The following TP63 variants were observed in gnomAD, a reference collection of about 807,000 sequenced individuals.
TP63 encodes the protein tumor protein 63.
A neutral mutation model predicts 82.8 loss-of-function variants in TP63; 17 were observed. That is an observed-to-expected ratio of 0.21 (90% CI 0.14 to 0.31). The LOEUF (loss-of-function observed/expected upper bound fraction) is 0.31, where lower values mean the gene tolerates loss of function less well. Ranked by LOEUF, TP63 falls within the 10% of genes least tolerant of loss-of-function variation. TP63 has a pLI of 1.00. For missense variants in TP63, 648 were observed against 895.3 expected (o/e 0.72, Z 3.52); for synonymous variants, 330 against 321.7 (o/e 1.03, Z -0.28).
intron 3 of TP63, among the ~76,000 whole-genome samples, chr3:189,761,010 G>A (rs537826181): frequency 5.3e-5 from 8 of 152,238 alleles, no homozygotes; most frequent in East Asian, 1.9e-4. Context: ...GGGATGCAGG[G>A]CACCAAGTCC....
intron 1 of TP63, among the ~76,000 whole-genome samples, chr3:189,723,479 A>G (rs1357544321): frequency 1.3e-5 from 2 of 152,264 alleles, no homozygotes; most frequent in African/African-American, 4.8e-5. Flanking sequence ...AATGATAGCT[A>G]TCGATTCTCT....
chr3:189,775,733 CAG>C (rs1430644113), intron 3 of TP63, among the ~76,000 whole-genome samples: 9 of 152,186 alleles, frequency 5.9e-5, no homozygotes, highest in Non-Finnish European at 1.5e-5. Context: ...CAGAGAGAAA[CAG>C]AGGTTACCTT....
chr3:189,773,409 T>A (rs561779379), intron 3 of TP63, among the ~76,000 whole-genome samples: 11 of 152,312 alleles, frequency 7.2e-5, no homozygotes, highest in African/African-American at 2.4e-4. Flanking sequence ...TGAAGTAAAG[T>A]CGTGTTTAAT....
At chr3:189,697,595 T>G (rs1920239) in intron 1 of TP63, among the ~76,000 whole-genome samples, 152,029 of 152,036 alleles carry the variant, frequency 1, 76,011 homozygotes, top group Non-Finnish European at 1. Flanking sequence ...TAAATAACCT[T>G]CCAGGATTTT....
intron 4 of TP63, among the ~76,000 whole-genome samples, chr3:189,832,982 C>T (rs1264443010): frequency 1.3e-5 from 2 of 152,170 alleles, no homozygotes; most frequent in African/African-American, 4.8e-5. Context: ...AATTTAAGCA[C>T]GTTTAATGAG....
At chr3:189,812,532 T>A (rs1051869302) in intron 4 of TP63, among the ~76,000 whole-genome samples, 2 of 152,192 alleles carry the variant, frequency 1.3e-5, no homozygotes, top group African/African-American at 4.8e-5. Context: ...AGAATGGTAG[T>A]GTGGAGATGG....
At chr3:189,797,946 A>G (rs1475432109) in intron 3 of TP63, among the ~76,000 whole-genome samples, 1 of 152,026 alleles carries the variant, frequency 6.6e-6, no homozygotes, top group East Asian at 1.9e-4. Context: ...TCCCCCATTC[A>G]GGATAACACT....
At chr3:189,795,624 A>C (rs775332263) in intron 3 of TP63, among the ~76,000 whole-genome samples, 2 of 152,040 alleles carry the variant, frequency 1.3e-5, no homozygotes, top group Non-Finnish European at 2.9e-5. Context: ...TTTAAAAAGA[A>C]AATGTGTTGG....
At chr3:189,810,811 G>A (rs576678824) in intron 4 of TP63, among the ~76,000 whole-genome samples, 15 of 143,142 alleles carry the variant, frequency 1.0e-4, no homozygotes, top group African/African-American at 3.6e-4. Context: ...AGCTGAGATC[G>A]CACCACTACA....
rs79805631 is a variant in TP63, at chr3:189,805,614, G to A, written c.325-2658G>A. On this transcript the variant is annotated intron_variant, in intron 3 of 13. Transcript: ENST00000264731. ...TGGAAGAACAGCCTGGGAGGCCTTC[G>A]GCCTTGGCCAGCCTTGCCGAGGCCC... Among the ~76,000 whole-genome samples the A allele has an allele frequency of 7.6e-3, 1,151 of 152,336 alleles. 64 individuals carry two copies. The East Asian group carries it at 0.13, about 18-fold the overall frequency.
intron 1 of TP63, among the ~76,000 whole-genome samples, chr3:189,732,033 C>CT (rs1280006619): frequency 6.6e-6 from 1 of 152,210 alleles, no homozygotes; most frequent in Non-Finnish European, 1.5e-5. Context: ...GTTAATTTTT[C>CT]TTTCCTTTTT....
intron 1 of TP63, among the ~76,000 whole-genome samples, chr3:189,684,633 T>C (rs569775517): frequency 7.9e-3 from 470 of 59,862 alleles, no homozygotes; most frequent in Non-Finnish European, 0.014. Flanking sequence ...TCTTTCTTTC[T>C]TTTTTTTTTT....
chr3:189,638,288 T>A (rs1250037544), intron 1 of TP63, among the ~76,000 whole-genome samples: 2 of 152,152 alleles, frequency 1.3e-5, no homozygotes, highest in African/African-American at 4.8e-5. Context: ...ATGAATTTAT[T>A]ATTTTTTTAT....
At chr3:189,884,556 C>CTAT (rs1164912675) in intron 10 of TP63, among the ~76,000 whole-genome samples, 1 of 152,136 alleles carries the variant, frequency 6.6e-6, no homozygotes, top group East Asian at 1.9e-4. Flanking sequence ...TATACCATGA[C>CTAT]CTGCTCCACA....
At chr3:189,663,186 C>A (rs1326520320) in intron 1 of TP63, among the ~76,000 whole-genome samples, 1 of 152,002 alleles carries the variant, frequency 6.6e-6, no homozygotes, top group Admixed American at 6.6e-5. Context: ...CTACTGTTGA[C>A]AAATATCAGT....
the TP63 span, among the ~76,000 whole-genome samples, chr3:189,605,007 G>A: frequency 1.3e-5 from 2 of 152,238 alleles, no homozygotes; most frequent in Non-Finnish European, 1.5e-5. Flanking sequence ...ACAAGGTTCT[G>A]GTGTTGTATT....
intron 3 of TP63, among the ~76,000 whole-genome samples, chr3:189,739,656 G>A (rs1159182898): frequency 6.6e-6 from 1 of 152,222 alleles, no homozygotes; most frequent in Non-Finnish European, 1.5e-5. Flanking sequence ...TTTATAAAGT[G>A]GTGAGATCAT....
intron 3 of TP63, chr3:189,739,003 C>G: frequency 1.7e-6 from 1 of 589,862 alleles, no homozygotes; most frequent in Non-Finnish European, 2.9e-6. Flanking sequence ...GAGGGAGATT[C>G]TTTACATCTT....
chr3:189,693,883 T>G (rs1254013222), intron 1 of TP63, among the ~76,000 whole-genome samples: 1 of 152,142 alleles, frequency 6.6e-6, no homozygotes, highest in Non-Finnish European at 1.5e-5. Context: ...GAAGGTTCAG[T>G]GAGTGAATAG....
Sources: allele counts gnomAD v4.1 joint callset (sites outside exome capture counted in the v4.1 genomes callset), GRCh38; gene constraint gnomAD v4.1.1; transcripts MANE v1.5; gene names NCBI Gene and HGNC (gene_info 2026-07-23, HGNC 2026-07-21).